Variants in LRRTM4 observed in about 807,000 individuals in gnomAD.
The protein encoded by LRRTM4 is leucine-rich repeat transmembrane neuronal protein 4.
A neutral mutation model predicts 47.6 loss-of-function variants in LRRTM4; 25 were observed. The ratio of observed to expected loss-of-function variants is 0.53; its 90% confidence interval spans 0.38 to 0.73. LRRTM4 has a LOEUF of 0.73. Among genes scored for constraint, LRRTM4 ranks in the 30% least tolerant of loss-of-function variants. The pLI, the probability that LRRTM4 is intolerant of heterozygous loss-of-function variation, is 0.00. For missense variants in LRRTM4, 638 were observed against 713.4 expected (o/e 0.89, Z 1.20); for synonymous variants, 311 against 269.5 (o/e 1.15, Z -1.51).
intron 3 of LRRTM4, among the ~76,000 whole-genome samples, chr2:76,831,869 C>T (rs902776306): frequency 4.6e-5 from 7 of 151,866 alleles, no homozygotes; most frequent in Admixed American, 3.3e-4. Context: ...CTATATTTGA[C>T]GCAATGTAGT....
At chr2:77,362,115 GAGAAAGAAAGAAAGAAAGAA>G (rs1230993221) in intron 3 of LRRTM4, among the ~76,000 whole-genome samples, 8 of 98,778 alleles carry the variant, frequency 8.1e-5, no homozygotes, top group African/African-American at 1.9e-4. Flanking sequence ...GAAAGAAAGA[GAGAAAGAAAGAAAGAAAGAA>G]AGAAAGAAAG....
intron 3 of LRRTM4, among the ~76,000 whole-genome samples, chr2:76,838,277 A>C (rs80251406): frequency 0.078 from 11,902 of 152,062 alleles, 492 homozygotes; most frequent in Middle Eastern, 0.15. Flanking sequence ...ACTTATACTG[A>C]AGCACATTTT....
rs577111889 is a variant in LRRTM4, at chr2:76,865,751, G to A, written c.1552-116835C>T. ...TAATATAGATATTGACTACATAAAA[G>A]GTGAGGACTACACATTTAAATAAGA... On this transcript the variant is annotated intron_variant, in intron 3 of 3. Transcript: ENST00000409884. Among the ~76,000 whole-genome samples the A allele has an allele frequency of 3.3e-5, 5 of 152,160 alleles. No individual in the cohort carries two copies. The South Asian group carries it at 1.0e-3, about 32-fold the overall frequency.
At chr2:76,850,993 C>T (rs1300829918) in intron 3 of LRRTM4, among the ~76,000 whole-genome samples, 1 of 152,184 alleles carries the variant, frequency 6.6e-6, no homozygotes, top group Non-Finnish European at 1.5e-5. Context: ...ATCCCCAAAG[C>T]TCCGATTGAT....
At chr2:76,989,006 C>A (rs1369301143) in intron 3 of LRRTM4, among the ~76,000 whole-genome samples, 2 of 151,800 alleles carry the variant, frequency 1.3e-5, no homozygotes, top group African/African-American at 4.8e-5. Flanking sequence ...AAAAATGTGT[C>A]TTTTCTTAAC....
intron 3 of LRRTM4, among the ~76,000 whole-genome samples, chr2:76,801,408 G>T (rs1018905998): frequency 3.3e-5 from 5 of 151,848 alleles, no homozygotes; most frequent in Non-Finnish European, 7.4e-5. Context: ...GTAAACTATC[G>T]CAAGAACAAA....
chr2:77,184,417 G>A (rs905419847), intron 3 of LRRTM4, among the ~76,000 whole-genome samples: 1 of 152,062 alleles, frequency 6.6e-6, no homozygotes, highest in Non-Finnish European at 1.5e-5. Context: ...CACAGAAACA[G>A]CTAATTGAAA....
intron 3 of LRRTM4, among the ~76,000 whole-genome samples, chr2:76,802,973 T>C (rs1265010502): frequency 6.6e-6 from 1 of 152,122 alleles, no homozygotes; most frequent in Non-Finnish European, 1.5e-5. Flanking sequence ...AAAACTTAAA[T>C]GTAGGACCTG....
chr2:76,887,287 T>A (rs1447514532), intron 3 of LRRTM4, among the ~76,000 whole-genome samples: 1 of 151,688 alleles, frequency 6.6e-6, no homozygotes, highest in Non-Finnish European at 1.5e-5. Flanking sequence ...ATGAGAAAGT[T>A]AACATATAAA....
chr2:77,158,378 T>C (rs1672618923), intron 3 of LRRTM4, among the ~76,000 whole-genome samples: 1 of 152,204 alleles, frequency 6.6e-6, no homozygotes. Flanking sequence ...TGTTCTTAGA[T>C]GCATATTTGT....
intron 3 of LRRTM4, among the ~76,000 whole-genome samples, chr2:77,325,139 T>C (rs369377445): frequency 6.6e-6 from 1 of 152,104 alleles, no homozygotes; most frequent in East Asian, 1.9e-4. Flanking sequence ...ACATTCTTCA[T>C]ACCTATACTC....
chr2:76,886,646 G>A (rs558275765), intron 3 of LRRTM4, among the ~76,000 whole-genome samples: 1 of 151,862 alleles, frequency 6.6e-6, no homozygotes, highest in Non-Finnish European at 1.5e-5. Flanking sequence ...TAAAATGGCT[G>A]GTTACAAAAA....
chr2:76,812,574 C>T (rs114144761), intron 3 of LRRTM4, among the ~76,000 whole-genome samples: 2,866 of 152,142 alleles, frequency 0.019, 42 homozygotes, highest in Middle Eastern at 0.027. Context: ...GCCTGTATTA[C>T]CAAGAGACAC....
intron 3 of LRRTM4, among the ~76,000 whole-genome samples, chr2:77,343,398 C>A (rs1356598564): frequency 6.6e-6 from 1 of 151,800 alleles, no homozygotes; most frequent in Non-Finnish European, 1.5e-5. Flanking sequence ...TCTCAAACCC[C>A]AAATTAATTT....
intron 3 of LRRTM4, among the ~76,000 whole-genome samples, chr2:76,920,813 T>TATCTCTA (rs1407263450): frequency 6.6e-6 from 1 of 152,128 alleles, no homozygotes; most frequent in African/African-American, 2.4e-5. Flanking sequence ...TTATAGGTCC[T>TATCTCTA]ATCTCTACTA....
chr2:77,114,177 G>C (rs898685077), intron 3 of LRRTM4, among the ~76,000 whole-genome samples: 1 of 152,016 alleles, frequency 6.6e-6, no homozygotes, highest in Non-Finnish European at 1.5e-5. Flanking sequence ...CATCAGGATG[G>C]CACGTACCAA....
chr2:77,062,728 C>A (rs1167433590), intron 3 of LRRTM4, among the ~76,000 whole-genome samples: 1 of 151,940 alleles, frequency 6.6e-6, no homozygotes, highest in East Asian at 1.9e-4. Context: ...TTCAATGTAT[C>A]TTATTGTTGC....
chr2:76,834,425 T>C (rs924997052), intron 3 of LRRTM4, among the ~76,000 whole-genome samples: 2 of 152,088 alleles, frequency 1.3e-5, no homozygotes, highest in Non-Finnish European at 2.9e-5. Context: ...TTTCAAGATA[T>C]ACGTTACTCT....
At chr2:77,150,475 C>T (rs946678339) in intron 3 of LRRTM4, among the ~76,000 whole-genome samples, 8 of 152,074 alleles carry the variant, frequency 5.3e-5, no homozygotes, top group East Asian at 3.9e-4. Flanking sequence ...AGAGAGACAC[C>T]GATTGACTGA....
Sources: gnomAD v4.1 joint callset for allele counts (sites outside exome capture counted in the v4.1 genomes callset) on GRCh38, gnomAD v4.1.1 for gene constraint, MANE v1.5 for transcripts, NCBI Gene and HGNC (gene_info 2026-07-23, HGNC 2026-07-21) for gene names.